STRN3: variants seen among roughly 807,000 people sequenced by gnomAD.
STRN3 encodes the protein striatin 3.
Under a neutral mutation model 95.6 loss-of-function variants are expected in STRN3, and 29 were observed. That is an observed-to-expected ratio of 0.30 (90% CI 0.23 to 0.41). STRN3 has a LOEUF of 0.41. STRN3 is among the 10% of genes least tolerant of loss of function. The pLI is 1.00. For missense variants in STRN3, 890 were observed against 972.1 expected, an observed-to-expected ratio of 0.92 and a Z score of 1.12; for synonymous variants, 331 against 357.6, an observed-to-expected ratio of 0.93 and a Z score of 0.84.
rs2139076828 is a variant in STRN3, at chr14:30,936,562, T to A, written c.779A>T (p.Asp260Val). ...GCCTTCGATCATGTCATTTTCCTCA[T>A]CTTCATCACTGTCATCGGCATTTTC... ...FLENADDSDE[D>V]EENDMIEGIP... The change falls in exon 6 of 18, where the codon GAT becomes GTT. Residue 260 changes from aspartate (D) to valine (V), a missense_variant. Coordinates refer to ENST00000357479, the MANE Select transcript of STRN3 (RefSeq NM_001083893.2). 1 of 1,613,908 alleles carries A rather than the reference T, an allele frequency of 6.2e-7. No individual in the cohort carries two copies. The highest frequency in any genetic ancestry group is 8.5e-7 in the Non-Finnish European group (1 of 1,179,878).
At chr14:30,972,542 T>C (rs895801364) in intron 1 of STRN3, among the ~76,000 whole-genome samples, 1 of 152,158 alleles carries the variant, frequency 6.6e-6, no homozygotes, top group African/African-American at 2.4e-5. Context: ...TTATTTCTTT[T>C]GCGGCACGGA....
Position 30,965,936 on chromosome 14 carries a change from T to C in STRN3, c.283-9694A>G, listed in dbSNP as rs369093883. Reference sequence around the variant, plus strand: ...TCTACTTTTAAACTTAACTTCCTCATAAAGCAATCTTTTTCGATTACCCAC... The same window carrying C: ...TCTACTTTTAAACTTAACTTCCTCACAAAGCAATCTTTTTCGATTACCCAC... On this transcript the variant is annotated intron_variant, in intron 1 of 17. Coordinates refer to ENST00000357479, the MANE Select transcript of STRN3 (RefSeq NM_001083893.2). 9.2e-5 allele frequency among the ~76,000 whole-genome samples: 14 copies of C among 152,244 alleles called. No individual in the cohort carries two copies. The South Asian group carries it at 2.9e-3, about 32-fold the overall frequency.
intron 16 of STRN3, among the ~76,000 whole-genome samples, chr14:30,898,499 CCTT>C (rs1896217339): frequency 6.6e-6 from 1 of 152,142 alleles, no homozygotes; most frequent in Non-Finnish European, 1.5e-5. Flanking sequence ...GAGAGTTAAC[CCTT>C]CTTCTCCACA....
intron 1 of STRN3, among the ~76,000 whole-genome samples, chr14:31,011,487 C>CA (rs1271897391): frequency 3.3e-5 from 5 of 152,078 alleles, no homozygotes; most frequent in African/African-American, 4.8e-5. Context: ...ACTAAAAATA[C>CA]AAAAAATTAA....
At position 30,981,167 on chromosome 14, in the gene STRN3, TAACC is replaced by T. The variant is rs542797246; in HGVS notation, c.283-24929_283-24926del. ...TCTCTACAAAAAAAAGTTTAAAAAT[TAACC>T]AGGCATGACGGTGTGCACCTGTAAT... On this transcript the variant is annotated intron_variant, in intron 1 of 17. Coordinates refer to ENST00000357479, the MANE Select transcript of STRN3 (RefSeq NM_001083893.2). Among the ~76,000 whole-genome samples the T allele has an allele frequency of 5.3e-5, 8 of 152,112 alleles. No homozygotes were observed. The South Asian group carries it at 1.7e-3, about 32-fold the overall frequency.
chr14:30,911,660 C>T, intron 12 of STRN3, 117 bp downstream of exon 12: 2 of 893,968 alleles, frequency 2.2e-6, no homozygotes, highest in South Asian at 3.8e-5. Flanking sequence ...AGCTATTATT[C>T]AAGTAATACA....
At chr14:30,947,904 C>G (rs759437982) in intron 4 of STRN3, among the ~76,000 whole-genome samples, 3 of 152,096 alleles carry the variant, frequency 2.0e-5, no homozygotes, top group Non-Finnish European at 4.4e-5. Flanking sequence ...GTGAATGGTT[C>G]TGTGACAAAT....
rs747700999 is a variant in STRN3, at chr14:30,895,649, C to CT, written c.2224+12dup. 18 of 1,612,382 alleles carry CT rather than the reference C, an allele frequency of 1.1e-5. No homozygotes were observed. In the East Asian group the frequency reaches 3.8e-4, roughly 34 times the overall value. Reference sequence around the variant, plus strand: ...TATAAAGTTTGTGGGCAGTACAGGACTTTAAGACTTACTTCCAGACATCAA... The same window carrying CT: ...TATAAAGTTTGTGGGCAGTACAGGACTTTTAAGACTTACTTCCAGACATCAA... On this transcript the variant is annotated intron_variant, in intron 17 of 17. Coordinates refer to ENST00000357479, the MANE Select transcript of STRN3 (RefSeq NM_001083893.2).
chr14:31,017,087 A>G (rs179727), intron 1 of STRN3, among the ~76,000 whole-genome samples: 118,309 of 152,050 alleles, frequency 0.78, 46,360 homozygotes, highest in Non-Finnish European at 0.83. Flanking sequence ...CCCAGAGATC[A>G]AGGCTGCAGT....
intron 5 of STRN3, among the ~76,000 whole-genome samples, chr14:30,938,042 C>A (rs890802691): frequency 6.6e-6 from 1 of 151,726 alleles, no homozygotes; most frequent in South Asian, 2.1e-4. Context: ...GTAAATACTA[C>A]GTAAATAGGT....
At chr14:30,958,133 C>T (rs1019093168) in intron 1 of STRN3, among the ~76,000 whole-genome samples, 6 of 152,054 alleles carry the variant, frequency 3.9e-5, no homozygotes, top group Admixed American at 2.0e-4. Context: ...GGCAAGACAG[C>T]GAGACCCTGT....
In STRN3 at chr14:30,950,907, C is replaced by T. The variant is rs1474594340; in HGVS notation, c.498G>A (p.Gln166=). 1 of 1,613,812 alleles carries T rather than the reference C, an allele frequency of 6.2e-7. No individual in the cohort carries two copies. The highest frequency in any genetic ancestry group is 1.3e-5 in the African/African-American group (1 of 74,900). The change falls in exon 4 of 18, where the codon CAG becomes CAA. Residue 166 remains glutamine (Q), a synonymous_variant. Transcript: ENST00000357479. ...CTTGCTTCCACGTTAACTGGCTATTCTGAGGTGCTGTGGGAGCCTCTGTGT... is the reference window on the plus strand; with the variant it reads ...CTTGCTTCCACGTTAACTGGCTATTTTGAGGTGCTGTGGGAGCCTCTGTGT... ...TKDTEAPTAP[Q]NSQLTWKQGR... is the part of the protein sequence containing the mutation.
chr14:30,982,691 C>A (rs946682658), intron 1 of STRN3, among the ~76,000 whole-genome samples: 1 of 152,172 alleles, frequency 6.6e-6, no homozygotes, highest in African/African-American at 2.4e-5. Context: ...CACAGATAAG[C>A]CCCTTTTCCA....
At chr14:30,971,452 G>C (rs183170225) in intron 1 of STRN3, among the ~76,000 whole-genome samples, 3 of 152,176 alleles carry the variant, frequency 2.0e-5, no homozygotes, top group Non-Finnish European at 4.4e-5. Flanking sequence ...ATTTTGGTGA[G>C]TGACAAAAAT....
intron 1 of STRN3, among the ~76,000 whole-genome samples, chr14:31,010,851 C>T (rs1267870461): frequency 2.0e-5 from 3 of 151,774 alleles, no homozygotes; most frequent in East Asian, 1.9e-4. Flanking sequence ...CCAGCCTAGC[C>T]GACATGGCGA....
chr14:30,938,811 T>TA (rs1878951639), intron 5 of STRN3, among the ~76,000 whole-genome samples: 1 of 152,144 alleles, frequency 6.6e-6, no homozygotes, highest in Non-Finnish European at 1.5e-5. Context: ...ATATTTCAAA[T>TA]AGACATTGCA....
chr14:31,021,335 C>T (rs2139356017), intron 1 of STRN3, among the ~76,000 whole-genome samples: 1 of 152,102 alleles, frequency 6.6e-6, no homozygotes, highest in Middle Eastern at 3.4e-3. Context: ...CTCCTAGTTG[C>T]ATAGATTACT....
At chr14:30,990,597 G>C (rs748149233) in intron 1 of STRN3, among the ~76,000 whole-genome samples, 4 of 152,108 alleles carry the variant, frequency 2.6e-5, no homozygotes, top group Admixed American at 1.3e-4. Flanking sequence ...ACCATGACTT[G>C]TCTCCCTAAA....
chr14:30,907,254 C>T (rs1034159522), intron 13 of STRN3, among the ~76,000 whole-genome samples: 15 of 151,158 alleles, frequency 9.9e-5, no homozygotes, highest in African/African-American at 3.6e-4. Context: ...TCTGTATTTT[C>T]ACAATTTTCT....
Sources: allele counts gnomAD v4.1 joint callset (sites outside exome capture counted in the v4.1 genomes callset), GRCh38; gene constraint gnomAD v4.1.1; transcripts MANE v1.5; gene names NCBI Gene and HGNC (gene_info 2026-07-23, HGNC 2026-07-21).